Variants in LYST observed in about 807,000 individuals in gnomAD.
LYST encodes lysosomal trafficking regulator, also known as lysosomal-trafficking regulator.
A neutral mutation model predicts 413.6 loss-of-function variants in LYST; 192 were observed. The observed-to-expected ratio is 0.46, with a 90% CI of 0.41 to 0.52. The LOEUF (loss-of-function observed/expected upper bound fraction) is 0.52. Among genes scored for constraint, LYST ranks in the 20% least tolerant of loss-of-function variants. The probability of loss-of-function intolerance (pLI) is 0.00; values close to 1 mark genes in which losing one functional copy is unlikely to be tolerated. For missense variants in LYST, 3,815 were observed against 4,499.9 expected, an observed-to-expected ratio of 0.85 and a Z score of 4.35; for synonymous variants, 1,525 against 1,567.3, an observed-to-expected ratio of 0.97 and a Z score of 0.64.
chr1:235,734,884 TACATAGGA>T (rs1171159682), intron 31 of LYST: 7 of 359,714 alleles, frequency 1.9e-5, no homozygotes, highest in Middle Eastern at 7.6e-4. Flanking sequence ...AATGTTATGT[TACATAGGA>T]AAACATTTAA....
chr1:235,829,339 T>C (rs1675690504), intron 3 of LYST: 1 of 152,238 alleles, frequency 6.6e-6, no homozygotes, highest in South Asian at 2.1e-4. Flanking sequence ...CCTCAATATA[T>C]GTATCTATTA....
chr1:235,803,860 T>A (rs564710699), intron 7 of LYST, among the ~76,000 whole-genome samples: 4 of 152,014 alleles, frequency 2.6e-5, no homozygotes, highest in African/African-American at 9.7e-5. Context: ...ATTATATATA[T>A]GGCTAGATCA....
rs1206376345 is a variant in LYST, at chr1:235,743,999, C to T, written c.8131G>A (p.Glu2711Lys). Residue 2711 changes from glutamate to lysine, a missense_variant, in exon 30 of 53, where the codon GAA (glutamate) becomes AAA (lysine). Coordinates refer to ENST00000389793, the MANE Select transcript of LYST (RefSeq NM_000081.4). ...FQKEIFTYLV[E>K]GFKVSIGSSK... ...CTTACAATAGATACTTTGAATCCTT[C>T]TACCAGATATGTAAAAATTTCTTTC... is the stretch of plus-strand genomic sequence containing the variant. The T allele has an allele frequency of 1.4e-6, 2 of 1,478,578 alleles. No homozygotes were observed. Among genetic ancestry groups the T allele is most frequent in the East Asian group, 4.5e-5 (2 of 44,080 alleles). The allele number at this position is 1,478,578 out of a possible 1,614,324, so 91.6% of individuals were successfully genotyped here. A position where few individuals can be genotyped will look rare whatever the true frequency, so the allele number is the denominator to read the frequency against.
intron 16 of LYST, among the ~76,000 whole-genome samples, chr1:235,778,970 G>A (rs1011805957): frequency 2.6e-4 from 39 of 151,480 alleles, no homozygotes; most frequent in African/African-American, 9.2e-4. Flanking sequence ...AGGTTCAAGC[G>A]ATTCTCCTGC....
rs558427778 is a variant in LYST, at chr1:235,856,040, A to G, written c.-98+10803T>C. On this transcript the variant is annotated intron_variant, in intron 1 of 52. Transcript: ENST00000389793. ...TAGGGGAGCAGAGCACAGAACAGAAATAAGAAAGAAATATATATAAATATT... is the reference window on the plus strand; with the variant it reads ...TAGGGGAGCAGAGCACAGAACAGAAGTAAGAAAGAAATATATATAAATATT... Among the ~76,000 whole-genome samples, 6 of 152,276 alleles carry G rather than the reference A, an allele frequency of 3.9e-5. No homozygotes were observed. The East Asian group carries it at 9.6e-4, about 24-fold the overall frequency.
chr1:235,731,730 AT>A (rs984457495), intron 34 of LYST, among the ~76,000 whole-genome samples: 1 of 151,258 alleles, frequency 6.6e-6, no homozygotes, highest in Non-Finnish European at 1.5e-5. Flanking sequence ...TAATTTTTGT[AT>A]TTTTTTAGTA....
intron 43 of LYST, among the ~76,000 whole-genome samples, chr1:235,709,961 C>T (rs1662282902): frequency 7.2e-6 from 1 of 139,736 alleles, no homozygotes; most frequent in Non-Finnish European, 1.5e-5. Context: ...CTAATTGTCT[C>T]ATCAGTATAA....
intron 40 of LYST, 32 bp downstream of exon 40, chr1:235,720,629 G>A: frequency 6.2e-7 from 1 of 1,607,334 alleles, no homozygotes; most frequent in Admixed American, 1.7e-5. Context: ...ATGGATGGAT[G>A]AACCCTAAAG....
At chr1:235,803,892 T>C (rs1237434032) in intron 7 of LYST, among the ~76,000 whole-genome samples, 1 of 151,946 alleles carries the variant, frequency 6.6e-6, no homozygotes, top group Non-Finnish European at 1.5e-5. Flanking sequence ...GGAGAAGTTA[T>C]ATAAAAAATA....
chr1:235,742,434 G>C (rs1448868875), intron 30 of LYST, among the ~76,000 whole-genome samples: 3 of 151,116 alleles, frequency 2.0e-5, no homozygotes, highest in Non-Finnish European at 2.9e-5. Flanking sequence ...CAGCTGGGGA[G>C]ACAGACTGAG....
Position 235,747,215 on chromosome 1 carries a change from G to A in LYST, c.7781-688C>T, listed in dbSNP as rs1339251331. 4 of 450,748 alleles carry A rather than the reference G, an allele frequency of 8.9e-6. No individual in the cohort carries two copies. In the Admixed American group the frequency reaches 9.5e-5, roughly 11 times the overall value. The allele number at this position is 450,748 out of a possible 1,614,324, so 27.9% of individuals were successfully genotyped here. On this transcript the variant is annotated intron_variant, in intron 28 of 52. Transcript: ENST00000389793. Reference sequence around the variant, plus strand: ...CAGGTAGTGCATCCAGGAGAAAACTGGGGGGATGAGTCTTGATTTAATGGA... The same window carrying A: ...CAGGTAGTGCATCCAGGAGAAAACTAGGGGGATGAGTCTTGATTTAATGGA...
chr1:235,706,154 C>T (rs976177880), intron 44 of LYST, among the ~76,000 whole-genome samples: 36 of 152,086 alleles, frequency 2.4e-4, no homozygotes, highest in African/African-American at 8.2e-4. Context: ...AGACCCGAAG[C>T]CTTGCATTTA....
chr1:235,677,276 C>CAATAG, intron 49 of LYST, 88 bp from the exon 50 acceptor site: 1 of 1,157,432 alleles, frequency 8.6e-7, no homozygotes, highest in Non-Finnish European at 1.3e-6. Context: ...AGTCTATGTA[C>CAATAG]CTATTGTACA....
intron 10 of LYST, among the ~76,000 whole-genome samples, chr1:235,799,975 G>T (rs1370359786): frequency 3.6e-5 from 2 of 56,178 alleles, no homozygotes; most frequent in East Asian, 5.0e-4. Flanking sequence ...TTTTTTTTTT[G>T]AGACAGGGTC....
At chr1:235,796,348 A>G (rs1671554939) in intron 10 of LYST, among the ~76,000 whole-genome samples, 1 of 152,218 alleles carries the variant, frequency 6.6e-6, no homozygotes, top group Non-Finnish European at 1.5e-5. Context: ...GAATGGGAGA[A>G]AATATTTGCA....
At chr1:235,685,235 T>C (rs1319604993) in intron 48 of LYST, among the ~76,000 whole-genome samples, 1 of 152,144 alleles carries the variant, frequency 6.6e-6, no homozygotes, top group Non-Finnish European at 1.5e-5. Context: ...TCCTCTATCC[T>C]GGGTGTGGGC....
At chr1:235,699,477 ATTGATGGGCAT>A (rs2103092622) in intron 45 of LYST, among the ~76,000 whole-genome samples, 1 of 152,276 alleles carries the variant, frequency 6.6e-6, no homozygotes, top group South Asian at 2.1e-4. Flanking sequence ...CTAGTCTATC[ATTGATGGGCAT>A]TTGTGTTGGT....
intron 1 of LYST, among the ~76,000 whole-genome samples, chr1:235,877,307 A>G (rs918169487): frequency 3.3e-5 from 5 of 152,190 alleles, no homozygotes; most frequent in African/African-American, 1.2e-4. Context: ...TGGAAGAAAA[A>G]TCCTTCTCCC....
At chr1:235,866,528 C>A (rs1447744028) in intron 1 of LYST, among the ~76,000 whole-genome samples, 2 of 152,214 alleles carry the variant, frequency 1.3e-5, no homozygotes, top group Admixed American at 6.5e-5. Context: ...CCGCGCGCTG[C>A]GAAATAAAGT....
Sources: allele counts gnomAD v4.1 joint callset (sites outside exome capture counted in the v4.1 genomes callset), GRCh38; gene constraint gnomAD v4.1.1; transcripts MANE v1.5; gene names NCBI Gene and HGNC (gene_info 2026-07-23, HGNC 2026-07-21).